Variants in LRP1B observed in about 807,000 individuals in gnomAD.
LRP1B encodes the protein low-density lipoprotein receptor-related protein 1B.
A neutral mutation model predicts 556.6 loss-of-function variants in LRP1B; 217 were observed. The ratio of observed to expected loss-of-function variants is 0.39; its 90% CI spans 0.35 to 0.44. The LOEUF (loss-of-function observed/expected upper bound fraction) is 0.44. LRP1B is among the 20% of genes least tolerant of loss of function. The pLI is 1.00. For synonymous variants in LRP1B, 2,047 were observed against 1,865.8 expected (o/e 1.10, Z -2.50); for missense variants, 5,053 against 5,620.8 (o/e 0.90, Z 3.23).
rs540540428 is a variant in LRP1B, at chr2:140,862,412, C to G, written c.4579+5178G>C. On this transcript the variant is annotated intron_variant, in intron 27 of 90. Coordinates refer to ENST00000389484, the MANE Select transcript of LRP1B (RefSeq NM_018557.3). ...GACTGCTTTCACATTACAACTGCAG[C>G]AGAGTAACTGCAACAGAGAACACAT... Among the ~76,000 whole-genome samples the G allele has an allele frequency of 8.5e-5, 13 of 152,314 alleles. No homozygotes were observed. The South Asian group carries it at 2.5e-3, about 29-fold the overall frequency.
At chr2:141,075,660 G>A (rs1041954666) in intron 7 of LRP1B, among the ~76,000 whole-genome samples, 7 of 152,240 alleles carry the variant, frequency 4.6e-5, no homozygotes, top group African/African-American at 1.7e-4. Flanking sequence ...TGCACTTAAG[G>A]AAGTCCTATT....
chr2:141,936,173 T>C (rs1479347818), intron 1 of LRP1B, among the ~76,000 whole-genome samples: 2 of 152,164 alleles, frequency 1.3e-5, no homozygotes, highest in East Asian at 3.8e-4. Flanking sequence ...ATATGTTTTT[T>C]CCTTCTACCA....
At chr2:142,119,049 G>T (rs956709428) in intron 1 of LRP1B, among the ~76,000 whole-genome samples, 18 of 152,178 alleles carry the variant, frequency 1.2e-4, no homozygotes, top group African/African-American at 4.1e-4. Flanking sequence ...TACCAAACCT[G>T]CAAGTAAGCT....
intron 3 of LRP1B, among the ~76,000 whole-genome samples, chr2:141,358,926 C>A (rs1017827186): frequency 1.3e-5 from 2 of 151,812 alleles, no homozygotes; most frequent in African/African-American, 4.8e-5. Flanking sequence ...AAATTACTTA[C>A]AAAGGAAATA....
chr2:140,673,177 C>A (rs1685549683), intron 41 of LRP1B, among the ~76,000 whole-genome samples: 1 of 152,174 alleles, frequency 6.6e-6, no homozygotes, highest in African/African-American at 2.4e-5. Context: ...CAGAACACAT[C>A]AACATCTTGC....
chr2:141,589,039 G>A (rs1004595514), intron 2 of LRP1B, among the ~76,000 whole-genome samples: 17 of 151,810 alleles, frequency 1.1e-4, no homozygotes, highest in African/African-American at 3.9e-4. Context: ...TTTGAAACTG[G>A]GTATATATTA....
At position 140,616,589 on chromosome 2, in the gene LRP1B, G is replaced by T. The variant is rs555129856; in HGVS notation, c.6800-14950C>A. Among the ~76,000 whole-genome samples the T allele has an allele frequency of 7.3e-5, 11 of 150,756 alleles. No homozygotes were observed. In the East Asian group the frequency reaches 2.1e-3, roughly 29 times the overall value. On this transcript the variant is annotated intron_variant, in intron 41 of 90. Coordinates refer to ENST00000389484, the MANE Select transcript of LRP1B (RefSeq NM_018557.3). ...GGTACTGCACATACTAAAGCCTAAG[G>T]ATTTATTATTACAAGCCTTAAAGAA...
At chr2:141,774,666 T>C (rs1695001793) in intron 2 of LRP1B, among the ~76,000 whole-genome samples, 2 of 152,210 alleles carry the variant, frequency 1.3e-5, no homozygotes, top group African/African-American at 4.8e-5. Context: ...CTGTTTACAG[T>C]ACAGAACTTT....
chr2:141,584,558 T>C, intron 2 of LRP1B, among the ~76,000 whole-genome samples: 1 of 150,662 alleles, frequency 6.6e-6, no homozygotes, highest in East Asian at 1.9e-4. Context: ...TTATGATATG[T>C]ATATATTTTT....
At chr2:141,858,752 T>A (rs956594673) in intron 1 of LRP1B, among the ~76,000 whole-genome samples, 4 of 152,208 alleles carry the variant, frequency 2.6e-5, no homozygotes, top group Non-Finnish European at 5.9e-5. Context: ...GTGCTTTGCA[T>A]GCTGCTATCA....
intron 43 of LRP1B, among the ~76,000 whole-genome samples, chr2:140,557,791 T>C (rs548034861): frequency 1.3e-5 from 2 of 152,304 alleles, no homozygotes; most frequent in South Asian, 4.1e-4. Context: ...AGGAGGCTTA[T>C]CTTGAGTTCC....
At chr2:140,281,874 C>A (rs1289935960) in intron 84 of LRP1B, among the ~76,000 whole-genome samples, 1 of 151,676 alleles carries the variant, frequency 6.6e-6, no homozygotes, top group Non-Finnish European at 1.5e-5. Flanking sequence ...CTGATATTAT[C>A]CCTGCAGAGT....
At chr2:142,002,892 G>C (rs561191862) in intron 1 of LRP1B, among the ~76,000 whole-genome samples, 42 of 152,230 alleles carry the variant, frequency 2.8e-4, no homozygotes, top group Admixed American at 1.4e-3. Flanking sequence ...AATTTATCTT[G>C]ACACTTAGAG....
intron 2 of LRP1B, among the ~76,000 whole-genome samples, chr2:141,609,256 C>T (rs142297497): frequency 3.0e-4 from 46 of 152,116 alleles, no homozygotes; most frequent in Non-Finnish European, 5.0e-4. Flanking sequence ...AACACTATTA[C>T]GTAGTGTTTC....
At chr2:140,429,741 C>T (rs1007163979) in intron 66 of LRP1B, among the ~76,000 whole-genome samples, 3 of 150,984 alleles carry the variant, frequency 2.0e-5, no homozygotes, top group African/African-American at 2.5e-5. Context: ...TCTGTCCAAA[C>T]AACTTGACCT....
chr2:140,998,940 A>G (rs1317947999), intron 15 of LRP1B, among the ~76,000 whole-genome samples: 3 of 152,110 alleles, frequency 2.0e-5, no homozygotes, highest in Non-Finnish European at 4.4e-5. Context: ...AGACTGAACT[A>G]AATCAGACAT....
intron 43 of LRP1B, among the ~76,000 whole-genome samples, chr2:140,554,549 C>T (rs149306508): frequency 6.6e-6 from 1 of 152,142 alleles, no homozygotes; most frequent in Non-Finnish European, 1.5e-5. Flanking sequence ...CCTCCTCCAG[C>T]TGCCCAAGGT....
intron 3 of LRP1B, among the ~76,000 whole-genome samples, chr2:141,284,220 A>T (rs1466629609): frequency 6.6e-6 from 1 of 152,196 alleles, no homozygotes; most frequent in Non-Finnish European, 1.5e-5. Flanking sequence ...GGACTGGGGA[A>T]CTCAATAATT....
chr2:141,524,395 T>C (rs571326955), intron 2 of LRP1B, among the ~76,000 whole-genome samples: 1 of 152,098 alleles, frequency 6.6e-6, no homozygotes, highest in Non-Finnish European at 1.5e-5. Flanking sequence ...AGAGAGAACA[T>C]TTAGGAAATG....
Sources: gnomAD v4.1 joint callset for allele counts (sites outside exome capture counted in the v4.1 genomes callset) on GRCh38, gnomAD v4.1.1 for gene constraint, MANE v1.5 for transcripts, NCBI Gene and HGNC (gene_info 2026-07-23, HGNC 2026-07-21) for gene names.